The following MYO3B variants were observed in gnomAD, a reference collection of about 807,000 sequenced individuals.
MYO3B encodes myosin-IIIb.
A neutral mutation model predicts 174.6 loss-of-function variants in MYO3B; 156 were observed. The observed-to-expected ratio is 0.89, with a 90% CI of 0.78 to 1.02. The LOEUF (loss-of-function observed/expected upper bound fraction) is 1.02, where lower values mean the gene tolerates loss of function less well. MYO3B is among the 50% of genes least tolerant of loss of function. The pLI, the probability that MYO3B is intolerant of heterozygous loss-of-function variation, is 0.00. For synonymous variants in MYO3B, 563 were observed against 569.1 expected (o/e 0.99, Z 0.15); for missense variants, 1,632 against 1,639.4 (o/e 1.00, Z 0.08).
At chr2:170,544,184 A>T (rs1047782736) in intron 32 of MYO3B, among the ~76,000 whole-genome samples, 196 bp downstream of exon 32, 3 of 152,382 alleles carry the variant, frequency 2.0e-5, no homozygotes, top group South Asian at 4.1e-4. Context: ...GTCATTTAAG[A>T]CAATGAATAT....
At chr2:170,511,889 A>T (rs193211103) in intron 28 of MYO3B, among the ~76,000 whole-genome samples, 171 of 152,356 alleles carry the variant, frequency 1.1e-3, no homozygotes, top group African/African-American at 3.7e-3. Flanking sequence ...AGCAGGCAGG[A>T]CATAAATTTT....
chr2:170,220,075 A>G (rs373195923), intron 6 of MYO3B, among the ~76,000 whole-genome samples: 62 of 150,488 alleles, frequency 4.1e-4, no homozygotes, highest in East Asian at 1.0e-3. Flanking sequence ...TGGCTAACAC[A>G]GTGAAACCCT....
At chr2:170,409,854 T>C (rs1194025785) in intron 22 of MYO3B, among the ~76,000 whole-genome samples, 1 of 152,266 alleles carries the variant, frequency 6.6e-6, no homozygotes, top group Non-Finnish European at 1.5e-5. Flanking sequence ...AACATGATTG[T>C]GCATCCTGTG....
intron 28 of MYO3B, among the ~76,000 whole-genome samples, chr2:170,511,607 T>G (rs1687995376): frequency 6.6e-6 from 1 of 152,246 alleles, no homozygotes; most frequent in Non-Finnish European, 1.5e-5. Context: ...CTAGGAATCT[T>G]GCTTCATTTT....
intron 7 of MYO3B, among the ~76,000 whole-genome samples, chr2:170,261,726 C>T (rs186231311): frequency 3.9e-5 from 6 of 152,240 alleles, no homozygotes; most frequent in Admixed American, 6.5e-5. Flanking sequence ...AGCATTGTTT[C>T]GCATTGTTTC....
At chr2:170,598,004 A>G (rs11900066) in intron 32 of MYO3B, among the ~76,000 whole-genome samples, 17,872 of 152,196 alleles carry the variant, frequency 0.12, 3,354 homozygotes, top group African/African-American at 0.4. Flanking sequence ...TAAAATGATT[A>G]ATTTTCCAGA....
chr2:170,218,112 T>C (rs570053882), intron 6 of MYO3B, among the ~76,000 whole-genome samples: 23 of 152,300 alleles, frequency 1.5e-4, no homozygotes, highest in African/African-American at 5.1e-4. Context: ...TTAGATGTCT[T>C]TCCATCTCTG....
chr2:170,652,945 AT>A, intron 34 of MYO3B, 37 bp from the exon 35 acceptor site: 1 of 1,611,122 alleles, frequency 6.2e-7, no homozygotes, highest in Non-Finnish European at 8.5e-7. Flanking sequence ...CATTTGTTTT[AT>A]TTTTTGTTGA....
At chr2:170,625,204 T>A (rs528710848) in intron 32 of MYO3B, among the ~76,000 whole-genome samples, 1 of 152,344 alleles carries the variant, frequency 6.6e-6, no homozygotes, top group South Asian at 2.1e-4. Context: ...CCTGGACTTT[T>A]TTTGGTTGGT....
chr2:170,624,968 C>T (rs893922779), intron 32 of MYO3B, among the ~76,000 whole-genome samples: 1 of 152,088 alleles, frequency 6.6e-6, no homozygotes, highest in African/African-American at 2.4e-5. Context: ...TTCGGTTTGC[C>T]AGTATTTTAT....
intron 32 of MYO3B, among the ~76,000 whole-genome samples, chr2:170,628,536 T>C (rs926133903): frequency 1.3e-5 from 2 of 152,178 alleles, no homozygotes; most frequent in African/African-American, 4.8e-5. Context: ...TCACGCTCAG[T>C]GCGCTGCACC....
At chr2:170,370,861 G>T (rs955444518) in intron 9 of MYO3B, among the ~76,000 whole-genome samples, 1 of 151,584 alleles carries the variant, frequency 6.6e-6, no homozygotes, top group Non-Finnish European at 1.5e-5. Flanking sequence ...ATATTTGCCT[G>T]ACTTTGCCTG....
intron 6 of MYO3B, among the ~76,000 whole-genome samples, chr2:170,223,845 CTT>C: frequency 6.6e-6 from 1 of 152,334 alleles, no homozygotes; most frequent in East Asian, 1.9e-4. Flanking sequence ...CACCAGTAGA[CTT>C]TGAAAATAAT....
intron 1 of MYO3B, among the ~76,000 whole-genome samples, chr2:170,189,739 T>A (rs1470374027): frequency 6.6e-6 from 1 of 152,136 alleles, no homozygotes; most frequent in Non-Finnish European, 1.5e-5. Context: ...CTTCTCTGTG[T>A]TATCTTCAAT....
chr2:170,653,291 T>A lies in MYO3B; in HGVS notation c.*170T>A. 1.4e-6 allele frequency: 1 copy of A among 731,942 alleles called. No homozygotes were observed. Among genetic ancestry groups the A allele is most frequent in the Non-Finnish European group, 2.2e-6 (1 of 448,884 alleles). 45.3% of individuals were successfully genotyped at this position (731,942 alleles called of 1,614,324 possible). A position where few individuals can be genotyped will look rare whatever the true frequency, so the allele number is the denominator to read the frequency against. On this transcript the variant is annotated 3_prime_UTR_variant, in exon 35 of 35. Coordinates refer to ENST00000408978, the MANE Select transcript of MYO3B (RefSeq NM_138995.5). ...TTCCAAAACATCTTATCCTATCCTC[T>A]ACCACTCTCCCACATGTGTTGTGCA...
At chr2:170,375,341 G>A (rs141349154) in intron 9 of MYO3B, among the ~76,000 whole-genome samples, 1 of 152,126 alleles carries the variant, frequency 6.6e-6, no homozygotes, top group African/African-American at 2.4e-5. Context: ...GAAAGGACTC[G>A]ATTGTCTCTG....
Position 170,288,416 on chromosome 2 carries a change from A to C in MYO3B, c.750-46969A>C, listed in dbSNP as rs1054307250. Among the ~76,000 whole-genome samples the C allele has an allele frequency of 9.9e-5, 15 of 151,824 alleles. 1 individual carries two copies. The highest frequency in any genetic ancestry group is 2.2e-4 in the Non-Finnish European group (15 of 67,878). ...TCGATTTCTTTCATCCAAGTTTTATAGTTTTCATTGTATAGATCTTTCACT... is the reference window on the plus strand; with the variant it reads ...TCGATTTCTTTCATCCAAGTTTTATCGTTTTCATTGTATAGATCTTTCACT... On this transcript the variant is annotated intron_variant, in intron 7 of 34. Coordinates refer to ENST00000408978, the MANE Select transcript of MYO3B (RefSeq NM_138995.5).
At chr2:170,238,034 A>C (rs1264497159) in intron 7 of MYO3B, among the ~76,000 whole-genome samples, 3 of 152,174 alleles carry the variant, frequency 2.0e-5, no homozygotes, top group Non-Finnish European at 4.4e-5. Flanking sequence ...ATCTTAGCAT[A>C]TTTACGTACA....
intron 32 of MYO3B, among the ~76,000 whole-genome samples, chr2:170,562,051 T>G (rs1005047993): frequency 6.6e-6 from 1 of 152,236 alleles, no homozygotes; most frequent in African/African-American, 2.4e-5. Flanking sequence ...AAAAAATTAC[T>G]TGGCCATTGC....
Sources: allele counts gnomAD v4.1 joint callset (sites outside exome capture counted in the v4.1 genomes callset), GRCh38; gene constraint gnomAD v4.1.1; transcripts MANE v1.5; gene names NCBI Gene and HGNC (gene_info 2026-07-23, HGNC 2026-07-21).